Variants in TSHZ2 observed in about 807,000 individuals in gnomAD.
The protein encoded by TSHZ2 is teashirt homolog 2.
TSHZ2 carries 21 observed loss-of-function variants against 74.4 expected under a neutral mutation model. The observed-to-expected ratio is 0.28, with a 90% CI of 0.20 to 0.41. The LOEUF (loss-of-function observed/expected upper bound fraction) is 0.41, where lower values mean the gene tolerates loss of function less well. Ranked by LOEUF, TSHZ2 falls within the 10% of genes least tolerant of loss-of-function variation. The probability of loss-of-function intolerance (pLI) is 1.00; values close to 1 mark genes in which losing one functional copy is unlikely to be tolerated. For synonymous variants in TSHZ2, 540 were observed against 515.3 expected (o/e 1.05, Z -0.65); for missense variants, 1,244 against 1,293.5 (o/e 0.96, Z 0.59).
At chr20:53,083,243 CT>C (rs1457447121) in intron 1 of TSHZ2, among the ~76,000 whole-genome samples, 4 of 152,134 alleles carry the variant, frequency 2.6e-5, no homozygotes, top group African/African-American at 9.7e-5. Context: ...CACACCATGC[CT>C]TTGAGTTTTC....
intron 2 of TSHZ2, among the ~76,000 whole-genome samples, chr20:53,457,995 A>G (rs889287973): frequency 2.4e-4 from 37 of 151,660 alleles, no homozygotes; most frequent in Non-Finnish European, 4.7e-4. Flanking sequence ...ATCAATGTTC[A>G]TCAAGGATAT....
At chr20:53,366,052 C>A (rs1452411247) in intron 2 of TSHZ2, among the ~76,000 whole-genome samples, 3 of 152,238 alleles carry the variant, frequency 2.0e-5, no homozygotes, top group African/African-American at 4.8e-5. Context: ...AGCTTTCAAA[C>A]CTTCCAGTGT....
intron 1 of TSHZ2, among the ~76,000 whole-genome samples, chr20:53,068,869 T>C (rs1252326432): frequency 2.0e-5 from 3 of 151,990 alleles, no homozygotes; most frequent in African/African-American, 7.2e-5. Context: ...AGAGATTTTC[T>C]GTTGTTTTTT....
At chr20:53,355,407 C>T (rs1178107575) in intron 2 of TSHZ2, among the ~76,000 whole-genome samples, 1 of 152,086 alleles carries the variant, frequency 6.6e-6, no homozygotes, top group African/African-American at 2.4e-5. Flanking sequence ...GTATTCATAC[C>T]ATGGAATGCT....
At chr20:52,974,810 G>T (rs886732168) in intron 1 of TSHZ2, among the ~76,000 whole-genome samples, 1 of 152,166 alleles carries the variant, frequency 6.6e-6, no homozygotes, top group Non-Finnish European at 1.5e-5. Context: ...GCACAGAATT[G>T]CTTCCCTATT....
chr20:53,482,438 T>A lies in TSHZ2; in HGVS notation c.*9-4706T>A, dbSNP rs191984309. On this transcript the variant is annotated intron_variant, in intron 2 of 2. Coordinates refer to ENST00000371497, the MANE Select transcript of TSHZ2 (RefSeq NM_173485.6). The stretch of plus-strand genomic sequence containing the variant: ...ATCCAAAAAAGCCAGATAACCTGAG[T>A]CAAGAATCACAGAAAGTCAATAACA... Among the ~76,000 whole-genome samples the A allele has an allele frequency of 5.9e-5, 9 of 152,106 alleles. No individual in the cohort carries two copies. The East Asian group carries it at 1.5e-3, about 26-fold the overall frequency.
intron 2 of TSHZ2, among the ~76,000 whole-genome samples, chr20:53,314,942 C>T (rs1008598603): frequency 7.9e-5 from 12 of 152,116 alleles, no homozygotes; most frequent in African/African-American, 2.2e-4. Flanking sequence ...TTTTTTGCAA[C>T]ATGAAGGCAG....
chr20:53,251,483 T>A (rs1990330432), intron 1 of TSHZ2, among the ~76,000 whole-genome samples: 2 of 152,224 alleles, frequency 1.3e-5, no homozygotes, highest in Admixed American at 1.3e-4. Context: ...GGCCATATGG[T>A]CATTTTAAAC....
chr20:53,412,067 C>T (rs762137636), intron 2 of TSHZ2, among the ~76,000 whole-genome samples: 4 of 152,200 alleles, frequency 2.6e-5, no homozygotes, highest in Non-Finnish European at 5.9e-5. Context: ...TTGAATAAGA[C>T]TTCAGGCAAC....
intron 1 of TSHZ2, among the ~76,000 whole-genome samples, chr20:53,014,644 T>C (rs2741369): frequency 0.4 from 60,211 of 151,820 alleles, 12,456 homozygotes; most frequent in Non-Finnish European, 0.47. Flanking sequence ...ACCTCTCCCT[T>C]CCTCTTTCCG....
chr20:53,189,982 G>A (rs534149710), intron 1 of TSHZ2, among the ~76,000 whole-genome samples: 9 of 148,480 alleles, frequency 6.1e-5, no homozygotes, highest in African/African-American at 9.9e-5. Flanking sequence ...TACTCAGGAG[G>A]CTGAGGTGGG....
chr20:53,045,534 C>T (rs1984196931), intron 1 of TSHZ2, among the ~76,000 whole-genome samples: 1 of 152,188 alleles, frequency 6.6e-6, no homozygotes, highest in Admixed American at 6.5e-5. Flanking sequence ...CGAGACATTT[C>T]CCCCTCAGTT....
intron 1 of TSHZ2, among the ~76,000 whole-genome samples, chr20:53,193,652 C>G (rs752251877): frequency 6.6e-6 from 1 of 152,148 alleles, no homozygotes; most frequent in Non-Finnish European, 1.5e-5. Context: ...AGGCACCCAC[C>G]CTTTCTTTTC....
chr20:53,227,834 T>C (rs931276097), intron 1 of TSHZ2, among the ~76,000 whole-genome samples: 1 of 152,070 alleles, frequency 6.6e-6, no homozygotes, highest in Non-Finnish European at 1.5e-5. Context: ...TCAAAGGGAG[T>C]GAGGCTGTTA....
intron 2 of TSHZ2, among the ~76,000 whole-genome samples, chr20:53,323,721 G>A (rs185653919): frequency 2.6e-5 from 4 of 151,568 alleles, no homozygotes; most frequent in East Asian, 3.9e-4. Context: ...GATTACAGGC[G>A]CACACCACCA....
chr20:53,455,411 C>T (rs1985019962), intron 2 of TSHZ2: 1 of 152,032 alleles, frequency 6.6e-6, no homozygotes, highest in South Asian at 2.1e-4. Context: ...CAAATGTTTT[C>T]CCAATATTTA....
Position 53,415,795 on chromosome 20 carries a change from G to GATAT in TSHZ2, c.*9-71347_*9-71344dup, listed in dbSNP as rs564235094. Among the ~76,000 whole-genome samples the GATAT allele has an allele frequency of 9.8e-5, 7 of 71,320 alleles. No homozygotes were observed. In the South Asian group the frequency reaches 1.6e-3, roughly 16 times the overall value. 46.8% of individuals were successfully genotyped at this position (71,320 alleles called of 152,430 possible). A position where few individuals can be genotyped will look rare whatever the true frequency, so the allele number is the denominator to read the frequency against. On this transcript the variant is annotated intron_variant, in intron 2 of 2. Coordinates refer to ENST00000371497, the MANE Select transcript of TSHZ2 (RefSeq NM_173485.6). ...TACTATAAATGTATGTGTGTGTGTA[G>GATAT]ATATACACACACACACACACACACA...
intron 1 of TSHZ2, among the ~76,000 whole-genome samples, chr20:53,060,197 T>A (rs1050667138): frequency 1.3e-5 from 2 of 152,132 alleles, no homozygotes. Flanking sequence ...ACTAAAGAAG[T>A]CAAAATTTTT....
chr20:53,116,014 A>T (rs1986656308), intron 1 of TSHZ2, among the ~76,000 whole-genome samples: 1 of 152,178 alleles, frequency 6.6e-6, no homozygotes, highest in South Asian at 2.1e-4. Flanking sequence ...AGCTATCGTG[A>T]GACAGGTGAT....
Sources: gnomAD v4.1 joint callset for allele counts (sites outside exome capture counted in the v4.1 genomes callset) on GRCh38, gnomAD v4.1.1 for gene constraint, MANE v1.5 for transcripts, NCBI Gene and HGNC (gene_info 2026-07-23, HGNC 2026-07-21) for gene names.